Variants in TENM1 observed in about 807,000 individuals in gnomAD.
TENM1 encodes the protein teneurin transmembrane protein 1, also known as teneurin-1.
In TENM1, 35 loss-of-function variants were observed where a neutral mutation model predicts 174.8. That is an observed-to-expected ratio of 0.20 (90% confidence interval 0.15 to 0.27). TENM1 has a LOEUF of 0.27. Among genes scored for constraint, TENM1 ranks in the 10% least tolerant of loss-of-function variants. The probability of loss-of-function intolerance (pLI) is 1.00; values close to 1 mark genes in which losing one functional copy is unlikely to be tolerated. For missense variants in TENM1, 1,633 were observed against 2,130.1 expected, an observed-to-expected ratio of 0.77 and a Z score of 4.59; for synonymous variants, 781 against 798.7, an observed-to-expected ratio of 0.98 and a Z score of 0.37.
At chrX:124,873,751 G>C (rs1162091215) in intron 3 of TENM1, among the ~76,000 whole-genome samples, 1 of 110,934 alleles carries the variant, frequency 9.0e-6, no homozygotes, top group Non-Finnish European at 1.9e-5. Context: ...TTTTGTTTGT[G>C]CTAGATTTAT....
At chrX:124,934,897 T>C (rs1026549341) in intron 1 of TENM1, among the ~76,000 whole-genome samples, 1 of 110,851 alleles carries the variant, frequency 9.0e-6, no homozygotes. Flanking sequence ...ACAAAGCTGT[T>C]TAATTGTATA....
chrX:124,586,836 A>T (rs1216645009), intron 11 of TENM1, among the ~76,000 whole-genome samples: 1 of 108,392 alleles, frequency 9.2e-6, no homozygotes, highest in African/African-American at 3.4e-5. Context: ...CAACTTCAGC[A>T]AAGTCTCAGG....
chrX:124,642,583 ACTTCTTCATGGCTTCTC>A (rs1602882838), intron 10 of TENM1, among the ~76,000 whole-genome samples: 1 of 112,132 alleles, frequency 8.9e-6, no homozygotes, highest in Non-Finnish European at 1.9e-5. Flanking sequence ...TTAAAAATTC[ACTTCTTCATGGCTTCTC>A]CTTCTATGAG....
At chrX:125,032,547 A>C in the TENM1 span, among the ~76,000 whole-genome samples, 1 of 111,382 alleles carries the variant, frequency 9.0e-6, no homozygotes, top group Non-Finnish European at 1.9e-5. Flanking sequence ...AGCCTTTGGA[A>C]GTAAACTGTT....
chrX:124,798,290 T>A (rs1012949840), intron 3 of TENM1, among the ~76,000 whole-genome samples: 1 of 111,699 alleles, frequency 9.0e-6, no homozygotes. Flanking sequence ...ATGGTTGAAC[T>A]AATTAACACT....
the TENM1 span, among the ~76,000 whole-genome samples, chrX:124,985,462 G>C: frequency 1.8e-5 from 2 of 111,731 alleles, no homozygotes; most frequent in Non-Finnish European, 3.8e-5. Flanking sequence ...CTAACACATG[G>C]GTAATATCCA....
At chrX:124,507,105 GT>G (rs946802811) in intron 18 of TENM1, among the ~76,000 whole-genome samples, 1 of 110,659 alleles carries the variant, frequency 9.0e-6, no homozygotes, top group Non-Finnish European at 1.9e-5. Flanking sequence ...GGAGAATAGT[GT>G]AATAGAAAGG....
the TENM1 span, among the ~76,000 whole-genome samples, chrX:125,129,053 G>A: frequency 9.0e-6 from 1 of 111,225 alleles, no homozygotes; most frequent in African/African-American, 3.3e-5. Context: ...GAGAACTCCT[G>A]TCTCTCTTTC....
At chrX:124,423,256 C>T (rs959954131) in intron 23 of TENM1, among the ~76,000 whole-genome samples, 5 of 112,305 alleles carry the variant, frequency 4.5e-5, no homozygotes, top group Non-Finnish European at 9.4e-5. Context: ...TACAGTTCGT[C>T]AGCTGTTGAT....
rs754329382 is a variant in TENM1 at position 124,751,318 on chromosome X, AAAG to A, written c.536-14124_536-14122del. Reference sequence around the variant, plus strand: ...CTTCAAGTAAATGTTATTACAATAAAAAGAATTATCTTAAACTATGAGTCACAT... The same window carrying A: ...CTTCAAGTAAATGTTATTACAATAAAAATTATCTTAAACTATGAGTCACAT... On this transcript the variant is annotated intron_variant, in intron 3 of 31. Transcript: ENST00000422452. Among the ~76,000 whole-genome samples the A allele has an allele frequency of 1.1e-4, 12 of 111,995 alleles. No homozygotes were observed. The East Asian group carries it at 3.4e-3, about 31-fold the overall frequency.
chrX:124,679,203 A>G (rs993791549), intron 5 of TENM1, among the ~76,000 whole-genome samples: 1 of 112,527 alleles, frequency 8.9e-6, no homozygotes, highest in Non-Finnish European at 1.9e-5. Context: ...CAGCATGCCA[A>G]GACAAAAGCA....
At chrX:125,080,490 A>G in the TENM1 span, among the ~76,000 whole-genome samples, 2,144 of 111,426 alleles carry the variant, frequency 0.019, 28 homozygotes, top group Non-Finnish European at 0.028. Flanking sequence ...TACTATATAC[A>G]AGACATATTG....
At chrX:124,882,135 T>C (rs774384979) in intron 3 of TENM1, among the ~76,000 whole-genome samples, 1 of 112,760 alleles carries the variant, frequency 8.9e-6, no homozygotes, top group African/African-American at 3.2e-5. Context: ...TTAAGGAGGA[T>C]ATTTAATTTC....
chrX:124,997,417 T>C, the TENM1 span, among the ~76,000 whole-genome samples: 1 of 111,404 alleles, frequency 9.0e-6, no homozygotes, highest in East Asian at 2.8e-4. Flanking sequence ...GCAAATAAAT[T>C]GGATCACAGA....
intron 3 of TENM1, among the ~76,000 whole-genome samples, chrX:124,804,952 A>T (rs890601578): frequency 2.7e-5 from 3 of 111,941 alleles, no homozygotes; most frequent in African/African-American, 6.5e-5. Context: ...GCAAAATGGC[A>T]TTGGTTTTTG....
rs993262675 is a variant in TENM1, at chrX:124,654,717, TA to T, written c.1169-935del. On this transcript the variant is annotated intron_variant, in intron 6 of 31. Transcript: ENST00000422452. ...AGAGGACCAGTCAAAAGGGTTTATT[TA>T]ATAAAGGATAGAAAGCCATTAAAGG... 5.6e-4 allele frequency among the ~76,000 whole-genome samples: 63 copies of T among 111,592 alleles called. 1 individual carries two copies. Among genetic ancestry groups the T allele is most frequent in the African/African-American group, 1.9e-3 (59 of 30,714 alleles).
intron 5 of TENM1, among the ~76,000 whole-genome samples, chrX:124,697,847 T>C (rs2052687945): frequency 9.0e-6 from 1 of 111,675 alleles, no homozygotes; most frequent in African/African-American, 3.2e-5. Context: ...CTCTCATAGC[T>C]ACTTTTGCAT....
intron 4 of TENM1, among the ~76,000 whole-genome samples, chrX:124,731,579 T>C (rs982543716): frequency 9.0e-6 from 1 of 111,596 alleles, no homozygotes; most frequent in Non-Finnish European, 1.9e-5. Flanking sequence ...AGGAAGCATA[T>C]GGACTCCTTA....
intron 3 of TENM1, among the ~76,000 whole-genome samples, chrX:124,772,568 T>C (rs754721958): frequency 7.1e-5 from 8 of 112,072 alleles, no homozygotes; most frequent in Non-Finnish European, 1.1e-4. Flanking sequence ...AAATGGCATA[T>C]AAAAAGTGTA....
Sources: allele counts gnomAD v4.1 joint callset (sites outside exome capture counted in the v4.1 genomes callset), GRCh38; gene constraint gnomAD v4.1.1; transcripts MANE v1.5; gene names NCBI Gene and HGNC (gene_info 2026-07-23, HGNC 2026-07-21).